ARB2A: variants seen among roughly 807,000 people sequenced by gnomAD.
ARB2A encodes cotranscriptional regulator ARB2A.
the ARB2A span, among the ~76,000 whole-genome samples, chr5:93,827,380 T>G: frequency 6.6e-6 from 1 of 152,242 alleles, no homozygotes; most frequent in Non-Finnish European, 1.5e-5. Context: ...GTCTTTTGGC[T>G]GCATAAATGT....
At chr5:93,910,464 T>G in the ARB2A span, among the ~76,000 whole-genome samples, 1 of 151,296 alleles carries the variant, frequency 6.6e-6, no homozygotes, top group Non-Finnish European at 1.5e-5. Context: ...AACAAATATG[T>G]AGAGTATTTT....
chr5:94,087,704 C>T, the ARB2A span, among the ~76,000 whole-genome samples: 4 of 152,180 alleles, frequency 2.6e-5, no homozygotes, highest in African/African-American at 9.6e-5. Context: ...ATTAAGTGGT[C>T]TATAAAGGTG....
At chr5:93,685,657 C>A in the ARB2A span, among the ~76,000 whole-genome samples, 1 of 152,114 alleles carries the variant, frequency 6.6e-6, no homozygotes, top group South Asian at 2.1e-4. Context: ...TTAAGCCTCA[C>A]CCAGGATTTA....
the ARB2A span, among the ~76,000 whole-genome samples, chr5:94,042,847 A>G: frequency 6.6e-6 from 1 of 152,170 alleles, no homozygotes; most frequent in Admixed American, 6.5e-5. Context: ...ATTTATATAA[A>G]CTTGTTATTA....
chr5:93,623,848 A>G, the ARB2A span, among the ~76,000 whole-genome samples: 1 of 152,146 alleles, frequency 6.6e-6, no homozygotes, highest in Non-Finnish European at 1.5e-5. Flanking sequence ...TAATATAAAA[A>G]TGTCTTTTCT....
At chr5:93,849,444 A>T in the ARB2A span, among the ~76,000 whole-genome samples, 1 of 152,130 alleles carries the variant, frequency 6.6e-6, no homozygotes, top group African/African-American at 2.4e-5. Context: ...AAATAATTTT[A>T]AAATGTGAAT....
At chr5:93,866,000 A>T in the ARB2A span, 1 of 985,432 alleles carries the variant, frequency 1.0e-6, no homozygotes, top group African/African-American at 1.7e-5. Context: ...GAGTTATGCA[A>T]CTAAAAGTAT....
chr5:93,632,690 C>T, the ARB2A span, among the ~76,000 whole-genome samples: 7 of 152,110 alleles, frequency 4.6e-5, no homozygotes, highest in African/African-American at 1.4e-4. Context: ...ATTCATCCTG[C>T]CTCTAGAGCA....
At chr5:93,632,698 G>A in the ARB2A span, among the ~76,000 whole-genome samples, 1 of 152,154 alleles carries the variant, frequency 6.6e-6, no homozygotes, top group Non-Finnish European at 1.5e-5. Context: ...TGCCTCTAGA[G>A]CATTCTCTGG....
chr5:94,099,624 CAAAAAAAAAAAAA>C, the ARB2A span, among the ~76,000 whole-genome samples: 1 of 13,648 alleles, frequency 7.3e-5, no homozygotes, highest in Non-Finnish European at 1.8e-4. Flanking sequence ...GACTCCGTCT[CAAAAAAAAAAAAA>C]AAAAAAAAAA....
chr5:93,829,217 C>T, the ARB2A span, among the ~76,000 whole-genome samples: 1 of 152,178 alleles, frequency 6.6e-6, no homozygotes, highest in African/African-American at 2.4e-5. Context: ...TGACCCCAAA[C>T]ACATCCCTTT....
chr5:93,756,725 C>T, the ARB2A span, among the ~76,000 whole-genome samples: 1 of 136,530 alleles, frequency 7.3e-6, no homozygotes, highest in East Asian at 2.0e-4. Context: ...TAAATGACAG[C>T]CTTCAAGCCC....
At chr5:93,763,218 G>A in the ARB2A span, among the ~76,000 whole-genome samples, 1 of 151,960 alleles carries the variant, frequency 6.6e-6, no homozygotes, top group Non-Finnish European at 1.5e-5. Flanking sequence ...AATGCAAATG[G>A]GCTAAATGCT....
the ARB2A span, among the ~76,000 whole-genome samples, chr5:94,081,989 AC>A: frequency 6.6e-6 from 1 of 151,944 alleles, no homozygotes; most frequent in Admixed American, 6.6e-5. Context: ...TGTCCTAATC[AC>A]CCCTCTCTCC....
the ARB2A span, among the ~76,000 whole-genome samples, chr5:93,711,518 A>C: frequency 6.6e-6 from 1 of 152,156 alleles, no homozygotes; most frequent in African/African-American, 2.4e-5. Context: ...ACAAAAATGA[A>C]CCCAGGCAGG....
At chr5:93,783,045 C>T in the ARB2A span, among the ~76,000 whole-genome samples, 1 of 152,012 alleles carries the variant, frequency 6.6e-6, no homozygotes, top group African/African-American at 2.4e-5. Context: ...GAAAGGAACA[C>T]CTAATCCAGC....
the ARB2A span, among the ~76,000 whole-genome samples, chr5:94,092,254 T>C: frequency 6.6e-6 from 1 of 151,718 alleles, no homozygotes; most frequent in Non-Finnish European, 1.5e-5. Context: ...TCTGAGGTGG[T>C]AGGATTGCTT....
At chr5:93,695,197 A>ATTT in the ARB2A span, among the ~76,000 whole-genome samples, 1 of 152,240 alleles carries the variant, frequency 6.6e-6, no homozygotes, top group Non-Finnish European at 1.5e-5. Context: ...ATGGGATCTA[A>ATTT]TTAAACTAAA....
chr5:93,704,617 A>C, the ARB2A span, among the ~76,000 whole-genome samples: 3 of 152,166 alleles, frequency 2.0e-5, no homozygotes, highest in Admixed American at 6.5e-5. Context: ...AAAAACTAGT[A>C]ACCCTGGCAT....
Sources: gnomAD v4.1 joint callset for allele counts (sites outside exome capture counted in the v4.1 genomes callset) on GRCh38, gnomAD v4.1.1 for gene constraint, MANE v1.5 for transcripts, NCBI Gene and HGNC (gene_info 2026-07-23, HGNC 2026-07-21) for gene names.